NRG3: variants seen among roughly 807,000 people sequenced by gnomAD.
NRG3 encodes neuregulin 3, also known as pro-neuregulin-3, membrane-bound isoform.
Under a neutral mutation model 66.9 loss-of-function variants are expected in NRG3, and 31 were observed. The ratio of observed to expected loss-of-function variants is 0.46; its 90% confidence interval spans 0.35 to 0.63. The LOEUF is 0.63. NRG3 is among the 20% of genes least tolerant of loss of function. The probability of loss-of-function intolerance (pLI) is 0.00; values close to 1 mark genes in which losing one functional copy is unlikely to be tolerated. For synonymous variants in NRG3, 393 were observed against 359.4 expected, an observed-to-expected ratio of 1.09 and a Z score of -1.06; for missense variants, 910 against 878.9, an observed-to-expected ratio of 1.04 and a Z score of -0.45.
chr10:82,560,764 A>G (rs1448425880), intron 2 of NRG3, among the ~76,000 whole-genome samples: 1 of 151,446 alleles, frequency 6.6e-6, no homozygotes, highest in Non-Finnish European at 1.5e-5. Flanking sequence ...GTCTCATATT[A>G]AAGAGTATTT....
chr10:82,176,947 A>C (rs2073083668), intron 1 of NRG3, among the ~76,000 whole-genome samples: 1 of 150,126 alleles, frequency 6.7e-6, no homozygotes, highest in Admixed American at 6.8e-5. Context: ...GTCAGAGAGA[A>C]CATCAGTTCC....
chr10:82,622,536 A>G (rs1403327430), intron 2 of NRG3, among the ~76,000 whole-genome samples: 2 of 152,144 alleles, frequency 1.3e-5, no homozygotes, highest in South Asian at 4.1e-4. Context: ...TTGACTTACC[A>G]TTTGTTGACT....
intron 3 of NRG3, among the ~76,000 whole-genome samples, chr10:82,857,512 G>A (rs1451433219): frequency 1.3e-5 from 2 of 152,156 alleles, no homozygotes; most frequent in East Asian, 3.9e-4. Flanking sequence ...ATGTGATGGA[G>A]GTTGGGTGTG....
At chr10:82,901,284 AT>A (rs781732253) in intron 4 of NRG3, among the ~76,000 whole-genome samples, 2 of 151,850 alleles carry the variant, frequency 1.3e-5, no homozygotes, top group African/African-American at 4.8e-5. Flanking sequence ...GCAAATTTGA[AT>A]TTTTTTTGTC....
chr10:82,061,864 C>T (rs2064166383), intron 1 of NRG3, among the ~76,000 whole-genome samples: 1 of 148,330 alleles, frequency 6.7e-6, no homozygotes, highest in South Asian at 2.1e-4. Context: ...CTCTCTCTCA[C>T]ACACACAAAC....
At chr10:82,691,817 C>G (rs550496893) in intron 2 of NRG3, among the ~76,000 whole-genome samples, 1 of 152,266 alleles carries the variant, frequency 6.6e-6, no homozygotes, top group South Asian at 2.1e-4. Flanking sequence ...CCAGAGGGAT[C>G]AAGTAACTTG....
chr10:82,889,332 G>A (rs532046852), intron 4 of NRG3, among the ~76,000 whole-genome samples: 1 of 152,166 alleles, frequency 6.6e-6, no homozygotes, highest in East Asian at 1.9e-4. Flanking sequence ...AATCAGAGAT[G>A]AGCCAGGATT....
intron 3 of NRG3, among the ~76,000 whole-genome samples, chr10:82,740,087 T>C (rs895710686): frequency 1.3e-5 from 2 of 151,910 alleles, no homozygotes; most frequent in Non-Finnish European, 2.9e-5. Flanking sequence ...CCCTTCTCTT[T>C]TCCTATTTAT....
rs77073379 is a variant in NRG3 at position 82,581,253 on chromosome 10, G to T, written c.954-157324G>T. On this transcript the variant is annotated intron_variant, in intron 2 of 8. Transcript: ENST00000372141. ...TCTCCTTTGGAGAGGTATTTGTTTA[G>T]ATCATTTCCCACTTTTTAATTAGGT... Among the ~76,000 whole-genome samples, 794 of 152,010 alleles carry T rather than the reference G, an allele frequency of 5.2e-3. 6 individuals are homozygous for T. The highest frequency in any genetic ancestry group is 0.017 in the African/African-American group (700 of 41,506).
intron 4 of NRG3, among the ~76,000 whole-genome samples, chr10:82,945,730 T>C (rs975363244): frequency 1.3e-5 from 2 of 152,208 alleles, no homozygotes; most frequent in Non-Finnish European, 2.9e-5. Context: ...GAGCCTTCAT[T>C]GCCTAATCAC....
At chr10:82,885,018 T>A (rs1842612619) in intron 4 of NRG3, among the ~76,000 whole-genome samples, 1 of 152,216 alleles carries the variant, frequency 6.6e-6, no homozygotes, top group Admixed American at 6.5e-5. Context: ...TTGTTTGCTG[T>A]AGAAATGGAA....
chr10:82,684,533 C>CA lies in NRG3; in HGVS notation c.954-54035dup, dbSNP rs377279657. On this transcript the variant is annotated intron_variant, in intron 2 of 8. Coordinates refer to ENST00000372141, the MANE Select transcript of NRG3 (RefSeq NM_001010848.4). ...CAAAAATCAATTACCATTGATGGAA[C>CA]AAAAAAAAACAGTACATTTTTGTCA... Among the ~76,000 whole-genome samples, 788 of 149,556 alleles carry CA rather than the reference C, an allele frequency of 5.3e-3. 5 individuals carry two copies. Among genetic ancestry groups the CA allele is most frequent in the African/African-American group, 6.1e-3 (248 of 40,796 alleles).
intron 3 of NRG3, among the ~76,000 whole-genome samples, chr10:82,827,765 T>C (rs866984550): frequency 1.3e-5 from 2 of 152,274 alleles, no homozygotes; most frequent in Middle Eastern, 6.8e-3. Context: ...CCAGAGTCAA[T>C]TTCAACAAGA....
chr10:82,161,627 G>A (rs1459821068), intron 1 of NRG3, among the ~76,000 whole-genome samples: 1 of 152,114 alleles, frequency 6.6e-6, no homozygotes, highest in African/African-American at 2.4e-5. Flanking sequence ...AAATGGAGTT[G>A]CTGGATTTCC....
intron 3 of NRG3, among the ~76,000 whole-genome samples, chr10:82,832,835 T>TGTGTGTGTGTGTGTGTGTG (rs201863543): frequency 6.6e-6 from 1 of 151,740 alleles, no homozygotes; most frequent in African/African-American, 2.4e-5. Flanking sequence ...TGTGTGTGTG[T>TGTGTGTGTGTGTGTGTGTG]TTCTGAACAT....
At chr10:82,069,345 T>C (rs2064669828) in intron 1 of NRG3, among the ~76,000 whole-genome samples, 1 of 152,184 alleles carries the variant, frequency 6.6e-6, no homozygotes, top group Admixed American at 6.5e-5. Context: ...CAGGTACTGA[T>C]GTTGAGACTT....
intron 2 of NRG3, among the ~76,000 whole-genome samples, chr10:82,694,678 A>C (rs890706337): frequency 6.6e-6 from 1 of 152,180 alleles, no homozygotes; most frequent in South Asian, 2.1e-4. Flanking sequence ...CTTTGAGCCC[A>C]GAAGGTTGAG....
chr10:82,407,490 G>C (rs1209754907), intron 2 of NRG3, among the ~76,000 whole-genome samples: 2 of 152,056 alleles, frequency 1.3e-5, no homozygotes, highest in African/African-American at 4.8e-5. Flanking sequence ...ACCTCTGTGT[G>C]GTAGTTAACT....
intron 2 of NRG3, among the ~76,000 whole-genome samples, chr10:82,545,635 C>T (rs1447237067): frequency 6.6e-6 from 1 of 151,940 alleles, no homozygotes; most frequent in Non-Finnish European, 1.5e-5. Context: ...CCCGCCTCGG[C>T]CTCCCAAAGT....
Sources: allele counts gnomAD v4.1 joint callset (sites outside exome capture counted in the v4.1 genomes callset), GRCh38; gene constraint gnomAD v4.1.1; transcripts MANE v1.5; gene names NCBI Gene and HGNC (gene_info 2026-07-23, HGNC 2026-07-21).